Variants in NBPF26 observed in about 807,000 individuals in gnomAD.
The protein encoded by NBPF26 is NBPF member 26.
In NBPF26, 79 loss-of-function variants were observed where a neutral mutation model predicts 119.6. The ratio of observed to expected loss-of-function variants is 0.66; its 90% CI spans 0.55 to 0.80. The LOEUF (loss-of-function observed/expected upper bound fraction) is 0.80, where lower values mean the gene tolerates loss of function less well. Ranked by LOEUF, NBPF26 falls within the 30% of genes least tolerant of loss-of-function variation. The probability of loss-of-function intolerance (pLI) is 0.00; values close to 1 mark genes in which losing one functional copy is unlikely to be tolerated. For synonymous variants in NBPF26, 299 were observed against 457.7 expected (o/e 0.65, Z 4.43); for missense variants, 800 against 1,198.2 (o/e 0.67, Z 4.91).
Position 120,823,446 on chromosome 1 carries a change from A to G in NBPF26, c.2639+86A>G, listed in dbSNP as rs1652169398. 2 of 734,838 alleles carry G rather than the reference A, an allele frequency of 2.7e-6. 1 individual carries two copies. The allele number at this position is 734,838 out of a possible 1,614,324, so 45.5% of individuals were successfully genotyped here. A position where few individuals can be genotyped will look rare whatever the true frequency, so the allele number is the denominator to read the frequency against. ...GGGAAAACAGTACATGCTGAAAATA[A>G]TGATTTTGTCTTGTCAGACAAGTCT... On this transcript the variant is annotated intron_variant, in intron 17 of 29. Transcript: ENST00000620612.
In NBPF26 at chr1:120,804,347, C is replaced by T. The variant is rs1390408084; in HGVS notation, c.752-1209C>T. On this transcript the variant is annotated intron_variant, in intron 4 of 29. Transcript: ENST00000620612. ...TCTACTGCACAGCAACACTGAGGAT[C>T]GCCAACCAACCCTGACCATAACCTT... 8.6e-5 allele frequency among the ~76,000 whole-genome samples: 9 copies of T among 104,870 alleles called. 1 individual carries two copies. Among genetic ancestry groups the T allele is most frequent in the East Asian group, 2.2e-4 (1 of 4,454 alleles). The allele number at this position is 104,870 out of a possible 152,430, so 68.8% of individuals were successfully genotyped here.
chr1:120,791,810 A>T (rs1222708876), intron 3 of NBPF26, among the ~76,000 whole-genome samples: 2 of 80,364 alleles, frequency 2.5e-5, no homozygotes, highest in Non-Finnish European at 4.3e-5. Flanking sequence ...AATAATAGTA[A>T]TAAAAATTCA....
exon 1 of NBPF26, chr1:120,724,040 G>A: frequency 8.0e-7 from 1 of 1,253,572 alleles, no homozygotes. Context: ...TCGGAGCGTA[G>A]CGCCAGGGCC....
intron 17 of NBPF26, among the ~76,000 whole-genome samples, 191 bp from the exon 18 acceptor site, chr1:120,823,782 GT>G (rs1652188902): frequency 1.8e-5 from 2 of 112,248 alleles, no homozygotes; most frequent in Admixed American, 1.7e-4. Flanking sequence ...GTGTGTGTGT[GT>G]GTGTGTGTCT....
chr1:120,809,339 C>T (rs1203480967), intron 7 of NBPF26, among the ~76,000 whole-genome samples: 2 of 150,486 alleles, frequency 1.3e-5, no homozygotes, highest in African/African-American at 2.5e-5. Flanking sequence ...GAGCACTCCC[C>T]ATGGATAGAA....
chr1:120,727,944 T>G lies in NBPF26; in HGVS notation c.73+3694T>G. ...CAGAATTCTTCTCCAGGTCTGTTAT[T>G]AATTGGTTTGGTGACCTTGTAGGAG... On this transcript the variant is annotated intron_variant, in intron 1 of 29. Transcript: ENST00000620612. Among the ~76,000 whole-genome samples, 2 of 119,268 alleles carry G rather than the reference T, an allele frequency of 1.7e-5. 1 individual carries two copies. The highest frequency in any genetic ancestry group is 1.6e-4 in the Admixed American group (2 of 12,522). The allele number at this position is 119,268 out of a possible 152,430, so 78.2% of individuals were successfully genotyped here.
chr1:120,806,871 C>A (rs1437248455), intron 5 of NBPF26, among the ~76,000 whole-genome samples: 1 of 123,516 alleles, frequency 8.1e-6, no homozygotes, highest in East Asian at 2.0e-4. Flanking sequence ...TAAATTGCTG[C>A]AATGAATTAC....
chr1:120,810,648 T>G, intron 9 of NBPF26, 90 bp downstream of exon 9: 1 of 1,318,716 alleles, frequency 7.6e-7, no homozygotes, highest in East Asian at 2.3e-5. Flanking sequence ...ATATTGTTAT[T>G]GTTTTAGTCA....
intron 11 of NBPF26, 97 bp from the exon 12 acceptor site, chr1:120,814,732 C>A (rs1553271483): frequency 8.3e-6 from 6 of 723,044 alleles, no homozygotes; most frequent in Admixed American, 2.1e-5. Context: ...GCTTCGAGGT[C>A]TCCTTGAGGA....
Position 120,805,751 on chromosome 1 carries a change from G to A in NBPF26, c.947G>A (p.Arg316Gln), listed in dbSNP as rs1380504870. Residue 316 changes from arginine (R) to glutamine (Q), a missense_variant, in exon 5 of 30, where the codon CGA (arginine) becomes CAA (glutamine). Physicochemically the swap from Arg to Gln is conservative, Grantham distance 43. Transcript: ENST00000620612. ...CAACTGGCCGGCTTCCTGGCCAACC[G>A]ACAGAAGAAATACAGTAAGATCTAT... The A allele has an allele frequency of 8.3e-5, 118 of 1,425,482 alleles. 17 individuals are homozygous for A. Among genetic ancestry groups the A allele is most frequent in the South Asian group, 3.5e-4 (29 of 83,680 alleles). The allele number at this position is 1,425,482 out of a possible 1,614,324, so 88.3% of individuals were successfully genotyped here.
downstream of NBPF26, chr1:120,840,794 G>T (rs1313018867): frequency 7.6e-6 from 5 of 658,602 alleles, 1 homozygote; most frequent in East Asian, 5.5e-5. Flanking sequence ...GGTGTGACAC[G>T]TTCACATAAC....
rs1652164718 is a variant in NBPF26, at chr1:120,823,312, A to G, written c.2591A>G (p.His864Arg). Residue 864 changes from histidine to arginine, a missense_variant, in exon 17 of 30, where the codon CAT (histidine) becomes CGT (arginine). Physicochemically the swap from His to Arg is conservative, Grantham distance 29 (BLOSUM62 0). Around this residue, in one of 13 missense-constraint regions of NBPF26, gnomAD observed 73 missense variants for 50.7 expected, o/e 1.44. Coordinates refer to ENST00000620612, the Ensembl canonical transcript of NBPF26. Reference sequence around the variant, plus strand: ...GCCCATCTGAATTTATTTGCAGGACATCGGTGGGATCAAGTGAAAAAGGAG... The same window carrying G: ...GCCCATCTGAATTTATTTGCAGGACGTCGGTGGGATCAAGTGAAAAAGGAG... 6 of 1,395,450 alleles carry G rather than the reference A, an allele frequency of 4.3e-6. 1 individual carries two copies. Among genetic ancestry groups the G allele is most frequent in the Non-Finnish European group, 3.8e-6 (4 of 1,045,196 alleles). The allele number at this position is 1,395,450 out of a possible 1,614,324, so 86.4% of individuals were successfully genotyped here. A position where few individuals can be genotyped will look rare whatever the true frequency, so the allele number is the denominator to read the frequency against.
chr1:120,829,584 G>A (rs1192182282), intron 18 of NBPF26, among the ~76,000 whole-genome samples: 1 of 106,072 alleles, frequency 9.4e-6, no homozygotes, highest in East Asian at 2.5e-4. Flanking sequence ...ACAGTTTCTG[G>A]GACAAAAACC....
Position 120,724,060 on chromosome 1 carries a change from G to C in NBPF26, c.-118G>C. 8 of 1,286,930 alleles carry C rather than the reference G, an allele frequency of 6.2e-6. 2 individuals are homozygous for C. Among genetic ancestry groups the C allele is most frequent in the Non-Finnish European group, 7.9e-6 (8 of 1,011,900 alleles). The allele number at this position is 1,286,930 out of a possible 1,614,324, so 79.7% of individuals were successfully genotyped here. A position where few individuals can be genotyped will look rare whatever the true frequency, so the allele number is the denominator to read the frequency against. On this transcript the variant is annotated 5_prime_UTR_variant, in exon 1 of 30. Coordinates refer to ENST00000620612, the Ensembl canonical transcript of NBPF26. ...GCGTAGCGCCAGGGCCTGAGCCTTT[G>C]AAGCAGGAGGAGGGGAGGAGAGAGT...
rs1296599893 is a variant in NBPF26, at chr1:120,745,144, A to C, written c.74-18484A>C. ...CCAAAAAAAAAAAAACAAAAAAAAA[A>C]CAAAAAAAAGTGGTATTGGGCCTGT... On this transcript the variant is annotated intron_variant, in intron 1 of 29. Coordinates refer to ENST00000620612, the Ensembl canonical transcript of NBPF26. 4.3e-4 allele frequency among the ~76,000 whole-genome samples: 43 copies of C among 101,116 alleles called. 9 individuals are homozygous for C. The East Asian group carries it at 5.9e-3, about 14-fold the overall frequency. 66.3% of individuals were successfully genotyped at this position (101,116 alleles called of 152,430 possible).
intron 1 of NBPF26, 113 bp downstream of exon 1, chr1:120,724,363 C>T: frequency 2.2e-6 from 3 of 1,349,242 alleles, no homozygotes; most frequent in Non-Finnish European, 2.9e-6. Context: ...GCCGCCGGCG[C>T]GGAGTGAGGC....
rs1650820893 is a variant in NBPF26, at chr1:120,726,885, C to T, written c.73+2635C>T. On this transcript the variant is annotated intron_variant, in intron 1 of 29. Coordinates refer to ENST00000620612, the Ensembl canonical transcript of NBPF26. ...GCTCCATTCCCACCCTACTGCCTCT[C>T]CTGTAGGCTTCTATGACATAGAGGA... is the stretch of plus-strand genomic sequence containing the variant. 2.6e-5 allele frequency among the ~76,000 whole-genome samples: 3 copies of T among 114,612 alleles called. 1 individual carries two copies. In the South Asian group the frequency reaches 7.6e-4, roughly 29 times the overall value. The allele number at this position is 114,612 out of a possible 152,430, so 75.2% of individuals were successfully genotyped here.
chr1:120,726,138 C>T (rs1650812400), intron 1 of NBPF26, among the ~76,000 whole-genome samples: 1 of 96,712 alleles, frequency 1.0e-5, no homozygotes, highest in East Asian at 2.4e-4. Flanking sequence ...ACACATAGGG[C>T]TTCTTTTATT....
chr1:120,812,168 C>G (rs1651884998), intron 10 of NBPF26, 73 bp downstream of exon 10: 1 of 936,246 alleles, frequency 1.1e-6, no homozygotes, highest in South Asian at 1.4e-5. Flanking sequence ...ACTAAATGCT[C>G]TCTCCATCAA....
Sources: gnomAD v4.1 joint callset for allele counts (sites outside exome capture counted in the v4.1 genomes callset) on GRCh38, gnomAD v4.1.1 for gene constraint, gnomAD v4.1.1 regional missense constraint, MANE v1.5 for transcripts, NCBI Gene and HGNC (gene_info 2026-07-23, HGNC 2026-07-21) for gene names.